DLC1: variants seen among roughly 807,000 people sequenced by gnomAD.
DLC1 encodes rho GTPase-activating protein 7.
In DLC1, 54 loss-of-function variants were observed where a neutral mutation model predicts 140.3. The ratio of observed to expected loss-of-function variants is 0.38; its 90% CI spans 0.31 to 0.48. The LOEUF is 0.48. Ranked by LOEUF, DLC1 falls within the 20% of genes least tolerant of loss-of-function variation. DLC1 has a pLI of 0.96. For missense variants in DLC1, 2,536 were observed against 1,907.0 expected, an observed-to-expected ratio of 1.33 and a Z score of -6.14; for synonymous variants, 986 against 728.1, an observed-to-expected ratio of 1.35 and a Z score of -5.70.
At chr8:13,145,669 G>C (rs1358193491) in intron 5 of DLC1, among the ~76,000 whole-genome samples, 1 of 152,154 alleles carries the variant, frequency 6.6e-6, no homozygotes, top group Non-Finnish European at 1.5e-5. Flanking sequence ...TATTTTCACA[G>C]TGGAATATTA....
chr8:13,434,963 A>ACCC (rs35497097), intron 2 of DLC1, among the ~76,000 whole-genome samples: 1 of 150,542 alleles, frequency 6.6e-6, no homozygotes, highest in Admixed American at 6.6e-5. Flanking sequence ...TACAGGCGTG[A>ACCC]CCCCCCCCGG....
At chr8:13,272,601 C>T (rs963641490) in intron 5 of DLC1, among the ~76,000 whole-genome samples, 2 of 152,298 alleles carry the variant, frequency 1.3e-5, no homozygotes, top group African/African-American at 4.8e-5. Context: ...GTGGCTCATG[C>T]CTGTAATCCC....
chr8:13,453,539 C>CAT (rs1260330712), intron 2 of DLC1, among the ~76,000 whole-genome samples: 393 of 25,270 alleles, frequency 0.016, 30 homozygotes, highest in East Asian at 0.021. Context: ...TATATATATA[C>CAT]ATATATATAT....
rs755083418 is a variant in DLC1 at position 13,291,899 on chromosome 8, G to A, written c.1348+13370C>T. 2.6e-5 allele frequency among the ~76,000 whole-genome samples: 4 copies of A among 152,010 alleles called. No individual in the cohort carries two copies. The East Asian group carries it at 7.7e-4, about 29-fold the overall frequency. On this transcript the variant is annotated intron_variant, in intron 5 of 17. Coordinates refer to ENST00000276297, the MANE Select transcript of DLC1 (RefSeq NM_182643.3). ...CCATAGACGAAGCAAAGGTTTTCCA[G>A]ATGTGGAATTCTTTCTACACATTAG...
rs1175888213 is a variant in DLC1 at position 13,201,778 on chromosome 8, T to G, written c.1349-86121A>C. ...CATGAATGTGTACAAAATGTATTTT[T>G]AAATTTTTATTTTTTTCAAACATTT... On this transcript the variant is annotated intron_variant, in intron 5 of 17. Coordinates refer to ENST00000276297, the MANE Select transcript of DLC1 (RefSeq NM_182643.3). 2.6e-5 allele frequency among the ~76,000 whole-genome samples: 4 copies of G among 152,238 alleles called. No individual in the cohort carries two copies. In the East Asian group the frequency reaches 7.7e-4, roughly 29 times the overall value.
At chr8:13,500,239 C>T (rs759954010) in intron 1 of DLC1, 43 bp from the exon 2 acceptor site, 33 of 579,892 alleles carry the variant, frequency 5.7e-5, no homozygotes, top group Non-Finnish European at 7.7e-5. Context: ...AGATACGTTT[C>T]TAAAGTCAAA....
intron 5 of DLC1, among the ~76,000 whole-genome samples, chr8:13,174,332 G>A (rs772148553): frequency 5.9e-5 from 9 of 152,168 alleles, no homozygotes; most frequent in Non-Finnish European, 7.3e-5. Flanking sequence ...ACATACAAGT[G>A]CATGTGTTTT....
intron 4 of DLC1, among the ~76,000 whole-genome samples, chr8:13,318,199 T>A (rs900629739): frequency 2.2e-4 from 25 of 113,076 alleles, no homozygotes; most frequent in Admixed American, 5.8e-4. Context: ...TAATTAAAAT[T>A]TTTTTTTTTT....
intron 5 of DLC1, among the ~76,000 whole-genome samples, chr8:13,232,308 C>G (rs962157466): frequency 3.3e-5 from 5 of 152,018 alleles, no homozygotes; most frequent in South Asian, 2.1e-4. Context: ...TTTTGACTTC[C>G]TTGCCATTCC....
intron 1 of DLC1, among the ~76,000 whole-genome samples, chr8:13,577,173 C>A (rs1173323323): frequency 6.6e-6 from 1 of 152,142 alleles, no homozygotes; most frequent in East Asian, 1.9e-4. Context: ...TAAACATCTT[C>A]CGACATTGGA....
Position 13,327,262 on chromosome 8 carries a change from T to C in DLC1, c.1315-21960A>G, listed in dbSNP as rs183550590. ...TGCTGGGATTACAGGCGTGAGCCAC[T>C]GCGCCCGGCCCCACTTGCAGTTTTA... is the stretch of plus-strand genomic sequence containing the variant. On this transcript the variant is annotated intron_variant, in intron 4 of 17. Coordinates refer to ENST00000276297, the MANE Select transcript of DLC1 (RefSeq NM_182643.3). Among the ~76,000 whole-genome samples, 214 of 151,042 alleles carry C rather than the reference T, an allele frequency of 1.4e-3. 6 individuals are homozygous for C. Among genetic ancestry groups the C allele is most frequent in the Admixed American group, 9.7e-3 (146 of 15,078 alleles).
At chr8:13,427,283 C>A (rs561075615) in intron 2 of DLC1, among the ~76,000 whole-genome samples, 1 of 152,146 alleles carries the variant, frequency 6.6e-6, no homozygotes, top group Non-Finnish European at 1.5e-5. Context: ...CTGTCCAACT[C>A]GGCTCATGGG....
intron 13 of DLC1, 71 bp from the exon 14 acceptor site, chr8:13,091,503 G>A: frequency 2.1e-6 from 3 of 1,396,422 alleles, no homozygotes; most frequent in African/African-American, 1.5e-5. Flanking sequence ...ATTATTCAAG[G>A]AAACCCAAAG....
intron 2 of DLC1, among the ~76,000 whole-genome samples, chr8:13,411,463 T>G (rs55682732): frequency 0.58 from 88,465 of 151,962 alleles, 26,220 homozygotes; most frequent in East Asian, 0.82. Context: ...TTATATATTA[T>G]TAGACACCTG....
At chr8:13,520,715 T>C (rs1802738742) in intron 1 of DLC1, among the ~76,000 whole-genome samples, 1 of 152,158 alleles carries the variant, frequency 6.6e-6, no homozygotes, top group Non-Finnish European at 1.5e-5. Flanking sequence ...TCTGCCTGCC[T>C]GTCCTGTAGG....
chr8:13,240,752 G>A (rs1053335089), intron 5 of DLC1, among the ~76,000 whole-genome samples: 1 of 152,022 alleles, frequency 6.6e-6, no homozygotes, highest in African/African-American at 2.4e-5. Context: ...TTTTCTTAAG[G>A]TAACTTTCAC....
chr8:13,528,694 G>T (rs1264318368), intron 1 of DLC1, among the ~76,000 whole-genome samples: 1 of 152,122 alleles, frequency 6.6e-6, no homozygotes, highest in African/African-American at 2.4e-5. Flanking sequence ...TTGCTGAGCT[G>T]CAAGTTTTTT....
At chr8:13,161,870 A>G (rs2128984843) in intron 5 of DLC1, among the ~76,000 whole-genome samples, 1 of 152,336 alleles carries the variant, frequency 6.6e-6, no homozygotes, top group South Asian at 2.1e-4. Context: ...CAATATTCGT[A>G]GTATTTTTAG....
chr8:13,552,111 G>GTACATA (rs1554542383), intron 1 of DLC1, among the ~76,000 whole-genome samples: 5 of 54,534 alleles, frequency 9.2e-5, no homozygotes, highest in Non-Finnish European at 3.3e-5. Context: ...GTCTAGAGGT[G>GTACATA]TATATATATA....
Sources: allele counts gnomAD v4.1 joint callset (sites outside exome capture counted in the v4.1 genomes callset), GRCh38; gene constraint gnomAD v4.1.1; transcripts MANE v1.5; gene names NCBI Gene and HGNC (gene_info 2026-07-23, HGNC 2026-07-21).